INPP5A: variants seen among roughly 807,000 people sequenced by gnomAD.
INPP5A encodes the protein 43 kDa inositol polyphosphate 5-phophatase.
Under a neutral mutation model 65.2 loss-of-function variants are expected in INPP5A, and 14 were observed. That is an observed-to-expected ratio of 0.21 (90% CI 0.14 to 0.34). The LOEUF (loss-of-function observed/expected upper bound fraction) is 0.34, where lower values mean the gene tolerates loss of function less well. Among genes scored for constraint, INPP5A ranks in the 10% least tolerant of loss-of-function variants. INPP5A has a pLI of 1.00. For missense variants in INPP5A, 431 were observed against 545.6 expected (o/e 0.79, Z 2.09); for synonymous variants, 207 against 208.3 (o/e 0.99, Z 0.05).
chr10:132,738,387 G>T (rs1846214493), intron 9 of INPP5A, among the ~76,000 whole-genome samples: 1 of 152,208 alleles, frequency 6.6e-6, no homozygotes, highest in African/African-American at 2.4e-5. Context: ...GCTGAGCTCT[G>T]TGTCCTGCGT....
intron 4 of INPP5A, among the ~76,000 whole-genome samples, chr10:132,657,327 A>G (rs772471718): frequency 4.6e-5 from 7 of 152,216 alleles, no homozygotes; most frequent in South Asian, 2.1e-4. Context: ...AAGCACTGCC[A>G]TGGTGGACTC....
chr10:132,570,134 A>T (rs1372044770), intron 1 of INPP5A, among the ~76,000 whole-genome samples: 1 of 148,512 alleles, frequency 6.7e-6, no homozygotes, highest in Non-Finnish European at 1.5e-5. Context: ...TTTAGTAGAG[A>T]CGGGGTTTCG....
At chr10:132,771,798 C>T (rs1483537168) in intron 12 of INPP5A, among the ~76,000 whole-genome samples, 6 of 118,456 alleles carry the variant, frequency 5.1e-5, no homozygotes, top group Admixed American at 8.1e-5. Context: ...AGCACTGACA[C>T]GGAGGCCCAG....
intron 2 of INPP5A, among the ~76,000 whole-genome samples, chr10:132,640,729 T>C (rs73401242): frequency 0.027 from 4,148 of 152,350 alleles, 79 homozygotes; most frequent in African/African-American, 0.046. Context: ...TATGCCCTTG[T>C]AGTGCCTTTT....
At chr10:132,683,449 T>C (rs1162074204) in intron 4 of INPP5A, among the ~76,000 whole-genome samples, 1 of 152,170 alleles carries the variant, frequency 6.6e-6, no homozygotes, top group Non-Finnish European at 1.5e-5. Flanking sequence ...AAGGCTGTTA[T>C]ATATATATGC....
intron 4 of INPP5A, among the ~76,000 whole-genome samples, chr10:132,667,594 G>A (rs1444024382): frequency 6.6e-6 from 1 of 152,240 alleles, no homozygotes; most frequent in African/African-American, 2.4e-5. Flanking sequence ...CGGACACGAT[G>A]TAATTTCTCC....
At chr10:132,752,908 G>A (rs1846522270) in intron 11 of INPP5A, among the ~76,000 whole-genome samples, 1 of 152,146 alleles carries the variant, frequency 6.6e-6, no homozygotes, top group Admixed American at 6.5e-5. Flanking sequence ...ATTTGGTTCT[G>A]AATGAAAACA....
chr10:132,617,300 G>A (rs960752456), intron 2 of INPP5A, among the ~76,000 whole-genome samples: 4 of 152,172 alleles, frequency 2.6e-5, no homozygotes, highest in Non-Finnish European at 5.9e-5. Flanking sequence ...AGTGTGGCTT[G>A]GGGCAAAGCC....
chr10:132,736,854 C>T (rs1226294732), intron 9 of INPP5A, among the ~76,000 whole-genome samples: 3 of 152,240 alleles, frequency 2.0e-5, no homozygotes, highest in Non-Finnish European at 2.9e-5. Flanking sequence ...CTGGCTGCTC[C>T]GGCCCCAGCC....
chr10:132,713,190 G>A (rs982637176), intron 8 of INPP5A, among the ~76,000 whole-genome samples: 2 of 151,924 alleles, frequency 1.3e-5, no homozygotes, highest in Non-Finnish European at 2.9e-5. Flanking sequence ...GTGGGTATGT[G>A]CACATGTATG....
In INPP5A at chr10:132,538,241, G is replaced by A; in HGVS notation, c.75+70G>A. On this transcript the variant is annotated intron_variant, in intron 1 of 15. Coordinates refer to ENST00000368594, the MANE Select transcript of INPP5A (RefSeq NM_005539.5). The surrounding 1 kb of genome is among the most constrained non-coding windows in gnomAD (Gnocchi z 4.1). ...GACCCTGACCCCGGGGTCCCGAACTGCAAGCCTTGGACCCTGGACCGTGAA... is the reference window on the plus strand; with the variant it reads ...GACCCTGACCCCGGGGTCCCGAACTACAAGCCTTGGACCCTGGACCGTGAA... 3 of 917,522 alleles carry A rather than the reference G, an allele frequency of 3.3e-6. No individual in the cohort carries two copies. Among genetic ancestry groups the A allele is most frequent in the Non-Finnish European group, 4.2e-6 (3 of 706,266 alleles). The allele number at this position is 917,522 out of a possible 1,614,324, so 56.8% of individuals were successfully genotyped here.
chr10:132,696,246 G>A (rs922053441), intron 5 of INPP5A, among the ~76,000 whole-genome samples: 3 of 152,144 alleles, frequency 2.0e-5, no homozygotes, highest in African/African-American at 7.2e-5. Flanking sequence ...TACTGTCAAG[G>A]GCTCAGCTCT....
chr10:132,633,801 C>T (rs1038219240), intron 2 of INPP5A, among the ~76,000 whole-genome samples: 1 of 152,142 alleles, frequency 6.6e-6, no homozygotes, highest in Non-Finnish European at 1.5e-5. Flanking sequence ...TGGTTTTGTT[C>T]CTACAGAGTT....
At position 132,637,524 on chromosome 10, in the gene INPP5A, C is replaced by T. The variant is rs559664279; in HGVS notation, c.118-8344C>T. 3.3e-4 allele frequency among the ~76,000 whole-genome samples: 51 copies of T among 152,254 alleles called. No individual in the cohort carries two copies. Among genetic ancestry groups the T allele is most frequent in the African/African-American group, 1.1e-3 (46 of 41,536 alleles). On this transcript the variant is annotated intron_variant, in intron 2 of 15. Transcript: ENST00000368594. The surrounding 1 kb of genome is among the most constrained non-coding windows in gnomAD (Gnocchi z 4.1). ...AATGTTCCTCCTTCTCTGCCTGTCTCCCACGGTCACTTCTTTCTCTCACGC... is the reference window on the plus strand; with the variant it reads ...AATGTTCCTCCTTCTCTGCCTGTCTTCCACGGTCACTTCTTTCTCTCACGC...
chr10:132,687,669 A>C (rs1590926087), intron 4 of INPP5A, among the ~76,000 whole-genome samples: 1 of 152,258 alleles, frequency 6.6e-6, no homozygotes, highest in African/African-American at 2.4e-5. Context: ...CAGGGCTGGG[A>C]GGCCCATGGT....
intron 2 of INPP5A, among the ~76,000 whole-genome samples, chr10:132,613,055 A>G (rs1166383507): frequency 1.3e-5 from 2 of 152,218 alleles, no homozygotes; most frequent in Admixed American, 6.5e-5. Context: ...CCTCAGATCC[A>G]AGGCTCAGGC....
chr10:132,763,244 G>C (rs1383776946), intron 11 of INPP5A, among the ~76,000 whole-genome samples: 1 of 152,244 alleles, frequency 6.6e-6, no homozygotes, highest in Non-Finnish European at 1.5e-5. Flanking sequence ...GCAGGCCTTA[G>C]GGAAATCTGG....
At chr10:132,708,924 C>T (rs184759457) in intron 7 of INPP5A, among the ~76,000 whole-genome samples, 166 of 152,318 alleles carry the variant, frequency 1.1e-3, no homozygotes, top group African/African-American at 3.7e-3. Flanking sequence ...CCCAACGTGT[C>T]CCTCCAGCCA....
chr10:132,625,454 T>C (rs555387433), intron 2 of INPP5A, among the ~76,000 whole-genome samples: 2 of 152,214 alleles, frequency 1.3e-5, no homozygotes, highest in East Asian at 3.9e-4. Context: ...CCAGGCAGGA[T>C]TCCAGTGAAA....
Sources: allele counts gnomAD v4.1 joint callset (sites outside exome capture counted in the v4.1 genomes callset), GRCh38; gene constraint gnomAD v4.1.1; non-coding constraint Gnocchi (gnomAD v3.1); transcripts MANE v1.5; gene names NCBI Gene and HGNC (gene_info 2026-07-23, HGNC 2026-07-21).